Variants in SLC25A26 observed in about 807,000 individuals in gnomAD.
SLC25A26 encodes solute carrier family 25 member 26.
In SLC25A26, 36 loss-of-function variants were observed where a neutral mutation model predicts 37.8. The observed-to-expected ratio is 0.95, with a 90% confidence interval of 0.73 to 1.26. The LOEUF is 1.26. Ranked by LOEUF, SLC25A26 falls within the 50% of genes most tolerant of loss-of-function variation. The probability of loss-of-function intolerance (pLI) is 0.00; values close to 1 mark genes in which losing one functional copy is unlikely to be tolerated. For synonymous variants in SLC25A26, 129 were observed against 122.5 expected (o/e 1.05, Z -0.35); for missense variants, 390 against 331.1 (o/e 1.18, Z -1.38).
At chr3:66,340,418 T>C (rs1198311848) in intron 5 of SLC25A26, among the ~76,000 whole-genome samples, 2 of 152,216 alleles carry the variant, frequency 1.3e-5, no homozygotes, top group Non-Finnish European at 2.9e-5. Context: ...AAATTTGATG[T>C]AAATTAATTT....
chr3:66,325,591 G>T (rs1221743345), intron 5 of SLC25A26, among the ~76,000 whole-genome samples: 4 of 152,196 alleles, frequency 2.6e-5, no homozygotes, highest in African/African-American at 9.7e-5. Context: ...ATGCTGTTGG[G>T]TCTGAGTTCT....
chr3:66,209,546 G>GTA (rs1370900031), intron 1 of SLC25A26, among the ~76,000 whole-genome samples: 13 of 136,196 alleles, frequency 9.5e-5, no homozygotes, highest in African/African-American at 1.3e-4. Flanking sequence ...AATATAGAAG[G>GTA]TATATATATA....
In SLC25A26 at chr3:66,236,635, A is replaced by C. The variant is rs2072303330; in HGVS notation, c.125A>C (p.Lys42Thr). Residue 42 changes from lysine (K) to threonine (T), a missense_variant, in exon 2 of 10, where the codon AAG becomes ACG. By Grantham distance (78) the Lys-to-Thr change is moderately conservative. Coordinates refer to ENST00000354883, the MANE Select transcript of SLC25A26 (RefSeq NM_001379210.1). ...TRLQSPQGFS[K>T]AGGFHGIYAG... ...CTGCAGAGTCCCCAAGGATTTAGTA[A>C]GGCTGGTGGTTTTCATGGAATATAT... 6.5e-7 allele frequency: 1 copy of C among 1,529,488 alleles called. No individual in the cohort carries two copies. Among genetic ancestry groups the C allele is most frequent in the Non-Finnish European group, 8.8e-7 (1 of 1,141,678 alleles). The allele number at this position is 1,529,488 out of a possible 1,614,324, so 94.7% of individuals were successfully genotyped here.
chr3:66,350,864 A>G (rs565698356), intron 6 of SLC25A26, among the ~76,000 whole-genome samples: 22 of 152,242 alleles, frequency 1.4e-4, no homozygotes, highest in African/African-American at 5.3e-4. Flanking sequence ...AAAGTGATGC[A>G]TCACTCAAAT....
intron 5 of SLC25A26, among the ~76,000 whole-genome samples, chr3:66,306,273 C>G (rs1258773239): frequency 6.6e-6 from 1 of 152,186 alleles, no homozygotes; most frequent in African/African-American, 2.4e-5. Flanking sequence ...AGCCACTGCG[C>G]CTGGTCTGTT....
chr3:66,308,587 A>G (rs1266361725), intron 5 of SLC25A26, among the ~76,000 whole-genome samples: 1 of 152,240 alleles, frequency 6.6e-6, no homozygotes, highest in African/African-American at 2.4e-5. Context: ...GCCGGTTTTC[A>G]AAGTTAATGC....
intron 1 of SLC25A26, among the ~76,000 whole-genome samples, chr3:66,182,129 C>A (rs1346515246): frequency 6.6e-6 from 1 of 152,082 alleles, no homozygotes; most frequent in East Asian, 1.9e-4. Context: ...AGAACAGGGT[C>A]CGTGGTGGAG....
chr3:66,317,837 A>G (rs2075582363), intron 5 of SLC25A26, among the ~76,000 whole-genome samples: 1 of 152,156 alleles, frequency 6.6e-6, no homozygotes, highest in Non-Finnish European at 1.5e-5. Flanking sequence ...GGGAGGCACT[A>G]CCCAGTGAGG....
At chr3:66,323,649 G>GA (rs1004333251) in intron 5 of SLC25A26, among the ~76,000 whole-genome samples, 78 of 152,014 alleles carry the variant, frequency 5.1e-4, no homozygotes, top group African/African-American at 1.8e-3. Flanking sequence ...TCTACAAAAA[G>GA]AAAAAAATAC....
chr3:66,254,215 C>A (rs1051021261), intron 3 of SLC25A26, among the ~76,000 whole-genome samples: 6 of 152,158 alleles, frequency 3.9e-5, no homozygotes, highest in African/African-American at 1.4e-4. Flanking sequence ...CATTTATCAA[C>A]AGAAGATGGC....
intron 1 of SLC25A26, among the ~76,000 whole-genome samples, chr3:66,185,816 G>A (rs1171980644): frequency 6.6e-6 from 1 of 151,778 alleles, no homozygotes; most frequent in Non-Finnish European, 1.5e-5. Flanking sequence ...CCATGACTTA[G>A]ACCCTGAAAT....
At chr3:66,287,922 A>G (rs978177654) in intron 5 of SLC25A26, among the ~76,000 whole-genome samples, 1 of 152,244 alleles carries the variant, frequency 6.6e-6, no homozygotes, top group Admixed American at 6.5e-5. Context: ...TTTGTACACT[A>G]TCACTCAAAC....
At chr3:66,196,705 T>TA (rs36140549) in intron 1 of SLC25A26, among the ~76,000 whole-genome samples, 62,352 of 151,914 alleles carry the variant, frequency 0.41, 14,229 homozygotes, top group African/African-American at 0.59. Flanking sequence ...GCAATAACTT[T>TA]AAAAAAACTA....
intron 6 of SLC25A26, among the ~76,000 whole-genome samples, chr3:66,350,745 C>T (rs879619113): frequency 1.3e-5 from 2 of 152,114 alleles, no homozygotes; most frequent in East Asian, 1.9e-4. Context: ...CCCACACGCA[C>T]ACACAAAATT....
intron 5 of SLC25A26, among the ~76,000 whole-genome samples, chr3:66,298,160 C>G (rs961339248): frequency 1.3e-5 from 2 of 152,140 alleles, no homozygotes; most frequent in Admixed American, 6.5e-5. Context: ...CTGATGCATT[C>G]TGAAGTGTGA....
At chr3:66,204,995 G>C (rs2071158847) in intron 1 of SLC25A26, among the ~76,000 whole-genome samples, 1 of 152,158 alleles carries the variant, frequency 6.6e-6, no homozygotes, top group Non-Finnish European at 1.5e-5. Context: ...AACAGATTCT[G>C]CTGATTCCAT....
chr3:66,306,886 T>A (rs1307163920), intron 5 of SLC25A26, among the ~76,000 whole-genome samples: 4 of 152,356 alleles, frequency 2.6e-5, no homozygotes. Flanking sequence ...TGTGCCACAT[T>A]TTCTTTATCC....
chr3:66,315,496 G>T (rs2075512334), intron 5 of SLC25A26, among the ~76,000 whole-genome samples: 1 of 152,102 alleles, frequency 6.6e-6, no homozygotes, highest in Non-Finnish European at 1.5e-5. Context: ...TGTTTGTTAT[G>T]ATTTCAGTTA....
intron 9 of SLC25A26, among the ~76,000 whole-genome samples, chr3:66,370,846 G>A (rs1559748722): frequency 6.6e-6 from 1 of 152,228 alleles, no homozygotes; most frequent in African/African-American, 2.4e-5. Flanking sequence ...ATTCACATGT[G>A]TGGCTCTCAC....
Sources: gnomAD v4.1 joint callset for allele counts (sites outside exome capture counted in the v4.1 genomes callset) on GRCh38, gnomAD v4.1.1 for gene constraint, MANE v1.5 for transcripts, NCBI Gene and HGNC (gene_info 2026-07-23, HGNC 2026-07-21) for gene names.